Variants in GUCY2D observed in about 807,000 individuals in gnomAD.
GUCY2D encodes the protein retinal guanylyl cyclase 1.
A neutral mutation model predicts 101.3 loss-of-function variants in GUCY2D; 70 were observed. The observed-to-expected ratio is 0.69, with a 90% CI of 0.57 to 0.84. The LOEUF (loss-of-function observed/expected upper bound fraction) is 0.84, where lower values mean the gene tolerates loss of function less well. GUCY2D is among the 40% of genes least tolerant of loss of function. The probability of loss-of-function intolerance (pLI) is 0.00; values close to 1 mark genes in which losing one functional copy is unlikely to be tolerated. For missense variants in GUCY2D, 1,460 were observed against 1,542.5 expected, an observed-to-expected ratio of 0.95 and a Z score of 0.90; for synonymous variants, 688 against 670.7, an observed-to-expected ratio of 1.03 and a Z score of -0.40.
chr17:8,003,215 G>A lies in GUCY2D; in HGVS notation c.168G>A (p.Val56=), dbSNP rs1016696083. 1 of 1,522,176 alleles carries A rather than the reference G, an allele frequency of 6.6e-7. No homozygotes were observed. 94.3% of individuals were successfully genotyped at this position (1,522,176 alleles called of 1,614,324 possible). ...CCGCCCTCTCCGCCGTGTTCACGGT[G>A]GGGGTCCTGGGCCCCTGGGCTTGCG... ...QPPALSAVFT[V]GVLGPWACDP... is the part of the protein sequence containing the mutation. The change falls in exon 2 of 20, where the codon GTG becomes GTA. Residue 56 remains valine, a synonymous_variant. Coordinates refer to ENST00000254854, the MANE Select transcript of GUCY2D (RefSeq NM_000180.4).
chr17:8,010,673 TG>T (rs2151801850), intron 8 of GUCY2D, among the ~76,000 whole-genome samples: 1 of 151,808 alleles, frequency 6.6e-6, no homozygotes, highest in Non-Finnish European at 1.5e-5. Context: ...CCGGGTGTGG[TG>T]GCGGGCGCCT....
At chr17:8,007,182 T>C (rs1462960963) in intron 5 of GUCY2D, 38 bp downstream of exon 5, 8 of 1,470,678 alleles carry the variant, frequency 5.4e-6, no homozygotes, top group Non-Finnish European at 7.6e-6. Flanking sequence ...AGTGAGCTTG[T>C]GCCAGAAATG....
At position 8,003,701 on chromosome 17, in the gene GUCY2D, G is replaced by A. The variant is rs747809048; in HGVS notation, c.654G>A (p.Met218Ile). 6.3e-7 allele frequency: 1 copy of A among 1,598,122 alleles called. No individual in the cohort carries two copies. The highest frequency in any genetic ancestry group is 2.2e-5 in the East Asian group (1 of 44,846). The change falls in exon 2 of 20, where the codon ATG (methionine) becomes ATA (isoleucine). Residue 218 changes from methionine (M) to isoleucine (I), a missense_variant. Coordinates refer to ENST00000254854, the MANE Select transcript of GUCY2D (RefSeq NM_000180.4). ...TGCCTGTCGCCTCCGTGACTTCCAT[G>A]GAGCCCTTGGACCTGTCTGGAGCCC... ...RGLPVASVTS[M>I]EPLDLSGARE...
Position 8,015,812 on chromosome 17 carries a change from C to T in GUCY2D, c.3014C>T (p.Thr1005Ile), listed in dbSNP as rs150185423. 2.4e-5 allele frequency: 39 copies of T among 1,612,608 alleles called. No homozygotes were observed. The African/African-American group carries it at 4.9e-4, about 20-fold the overall frequency. ...RYCLFGDTVN[T>I]ASRMESTGLP... ...TGCCTGTTTGGGGACACGGTCAACA[C>T]CGCCTCGCGCATGGAGTCCACCGGG... is the stretch of plus-strand genomic sequence containing the variant. The change falls in exon 16 of 20, where the codon ACC (threonine) becomes ATC (isoleucine). Residue 1005 changes from threonine (T) to isoleucine (I), a missense_variant. Physicochemically the swap from Thr to Ile is moderately conservative, Grantham distance 89 (BLOSUM62 -1). Transcript: ENST00000254854.
At chr17:8,019,863 G>T (rs938009910) in intron 19 of GUCY2D, among the ~76,000 whole-genome samples, 1 of 152,186 alleles carries the variant, frequency 6.6e-6, no homozygotes, top group Non-Finnish European at 1.5e-5. Flanking sequence ...CAGCGCATGA[G>T]AGCACCGGGG....
intron 19 of GUCY2D, among the ~76,000 whole-genome samples, chr17:8,019,898 C>T (rs1042538353): frequency 3.3e-5 from 5 of 152,160 alleles, no homozygotes; most frequent in African/African-American, 1.2e-4. Context: ...TGGGCATCCC[C>T]CACCTTCAGA....
Position 8,006,648 on chromosome 17 carries a change from C to T in GUCY2D, c.1312C>T (p.Arg438Cys), listed in dbSNP as rs565948960. Reference protein sequence around the residue: ...LSAGTRMHFPRGGSAPGPDPS... With the variant: ...LSAGTRMHFPCGGSAPGPDPS... ...CGCCGGTACCCGGATGCACTTCCCG[C>T]GTGGGGGATCAGCACCCGGACCTGA... The change falls in exon 4 of 20, where the codon CGT (arginine) becomes TGT (cysteine). Residue 438 changes from arginine (R) to cysteine (C), a missense_variant. Arg to Cys is a radical substitution (Grantham distance 180). Around this residue, in one of 3 missense-constraint regions of GUCY2D, gnomAD observed 1,196 missense variants for 1,229.6 expected, o/e 0.97. Transcript: ENST00000254854. The T allele has an allele frequency of 2.5e-5, 40 of 1,612,778 alleles. No homozygotes were observed. In the East Asian group the frequency reaches 4.9e-4, roughly 20 times the overall value.
At chr17:8,016,110 C>T (rs1038332181) in intron 17 of GUCY2D, 89 bp downstream of exon 17, 18 of 1,348,816 alleles carry the variant, frequency 1.3e-5, no homozygotes, top group Non-Finnish European at 1.8e-5. Flanking sequence ...CTCAGCTCAC[C>T]CTTCTGACCT....
intron 14 of GUCY2D, 129 bp from the exon 15 acceptor site, chr17:8,015,199 A>C: frequency 9.3e-7 from 1 of 1,080,304 alleles, no homozygotes; most frequent in African/African-American, 1.6e-5. Flanking sequence ...TCCAGTCCCC[A>C]GCTCAGTCCT....
Position 8,002,946 on chromosome 17 carries a change from G to GAA in GUCY2D, c.-9-93_-9-92insAA. On this transcript the variant is annotated intron_variant, in intron 1 of 19. Coordinates refer to ENST00000254854, the MANE Select transcript of GUCY2D (RefSeq NM_000180.4). This position sits in a 1 kb window ranked among gnomAD's most constrained non-coding sequence, Gnocchi z 4.9. ...CGGTAGCAGCAGAATCATCCCATGGGTTACTCGGGCTTGGAGAAACTCGGG... is the reference window on the plus strand; with the variant it reads ...CGGTAGCAGCAGAATCATCCCATGGGAATTACTCGGGCTTGGAGAAACTCGGG... 1 of 965,390 alleles carries GAA rather than the reference G, an allele frequency of 1.0e-6. No individual in the cohort carries two copies. The allele number at this position is 965,390 out of a possible 1,614,324, so 59.8% of individuals were successfully genotyped here. A position where few individuals can be genotyped will look rare whatever the true frequency, so the allele number is the denominator to read the frequency against.
intron 19 of GUCY2D, among the ~76,000 whole-genome samples, chr17:8,017,582 G>C (rs1175333025): frequency 1.3e-5 from 2 of 152,244 alleles, no homozygotes; most frequent in African/African-American, 4.8e-5. Flanking sequence ...AATGCTTTGA[G>C]GAAAGGAAAT....
In GUCY2D at chr17:8,004,114, T is replaced by C. The variant is rs1169860339; in HGVS notation, c.984T>C (p.Ala328=). The C allele has an allele frequency of 1.3e-6, 2 of 1,598,782 alleles. No homozygotes were observed. The highest frequency in any genetic ancestry group is 1.7e-6 in the Non-Finnish European group (2 of 1,178,228). Reference sequence around the variant, plus strand: ...GCGTGCTGGACAGCCTGCGCAGGGCTCAAGAGCGCCGCGAGCTGCCCTCTG... The same window carrying C: ...GCGTGCTGGACAGCCTGCGCAGGGCCCAAGAGCGCCGCGAGCTGCCCTCTG... The part of the protein sequence containing the change: ...EGSVLDSLRR[A]QERRELPSDL... Residue 328 remains alanine (A), a synonymous_variant, in exon 3 of 20, where the codon GCT becomes GCC. Coordinates refer to ENST00000254854, the MANE Select transcript of GUCY2D (RefSeq NM_000180.4).
chr17:8,009,706 G>A, intron 8 of GUCY2D, 120 bp downstream of exon 8: 2 of 748,370 alleles, frequency 2.7e-6, no homozygotes, highest in Non-Finnish European at 4.8e-6. Context: ...TGAGTGTGGT[G>A]GCTCATACGT....
At chr17:8,009,988 GA>G (rs201897109) in intron 8 of GUCY2D, among the ~76,000 whole-genome samples, 1,882 of 143,270 alleles carry the variant, frequency 0.013, 32 homozygotes, top group African/African-American at 0.042. Context: ...AATTAAGAAA[GA>G]AAAAAAAAAA....
Position 8,006,552 on chromosome 17 carries a change from G to A in GUCY2D, c.1216G>A (p.Asp406Asn), listed in dbSNP as rs1466640514. 2 of 1,612,940 alleles carry A rather than the reference G, an allele frequency of 1.2e-6. No homozygotes were observed. Among genetic ancestry groups the A allele is most frequent in the East Asian group, 4.5e-5 (2 of 44,886 alleles). The change falls in exon 4 of 20, where the codon GAC becomes AAC. Residue 406 changes from aspartate to asparagine, a missense_variant. By Grantham distance (23) the Asp-to-Asn change is conservative (BLOSUM62 1). Transcript: ENST00000254854. ...CGAGGAGCCCCCATTCGTGCTGCTA[G>A]ACACGGACGCGGCGGGAGACCGGCT... is the stretch of plus-strand genomic sequence containing the variant. ...GDEEPPFVLL[D>N]TDAAGDRLFA...
In GUCY2D at chr17:8,013,331, T is replaced by A; in HGVS notation, c.2263+79T>A. The A allele has an allele frequency of 7.1e-7, 1 of 1,406,398 alleles. No individual in the cohort carries two copies. The highest frequency in any genetic ancestry group is 1.0e-6 in the Non-Finnish European group (1 of 1,004,086). 87.1% of individuals were successfully genotyped at this position (1,406,398 alleles called of 1,614,324 possible). ...AAAGAGCCAGCCTCACTCTTTCCTC[T>A]AAAGCAAAGCCCAGTGATGAAACTC... On this transcript the variant is annotated intron_variant, in intron 11 of 19. Coordinates refer to ENST00000254854, the MANE Select transcript of GUCY2D (RefSeq NM_000180.4). The surrounding 1 kb of genome is among the most constrained non-coding windows in gnomAD (Gnocchi z 5.0).
At chr17:8,012,403 A>G (rs1723108295) in intron 9 of GUCY2D, 47 bp from the exon 10 acceptor site, 1 of 1,612,628 alleles carries the variant, frequency 6.2e-7, no homozygotes, top group Non-Finnish European at 8.5e-7. Flanking sequence ...ATGGGGAGCA[A>G]GGGAACCAAG....
intron 10 of GUCY2D, 119 bp downstream of exon 10, chr17:8,012,725 A>AC: frequency 1.2e-6 from 1 of 833,456 alleles, no homozygotes; most frequent in Non-Finnish European, 2.0e-6. Flanking sequence ...CACCAGACAC[A>AC]ATTCCTGCTA....
Position 8,016,000 on chromosome 17 carries a change from G to T in GUCY2D, c.3117G>T (p.Leu1039=). The T allele has an allele frequency of 6.2e-7, 1 of 1,609,768 alleles. No individual in the cohort carries two copies. The highest frequency in any genetic ancestry group is 1.1e-5 in the South Asian group (1 of 90,134). ...TGGACTCGGGCTACCAGGTGGAGCT[G>T]CGAGGCCGCACGGAGCTGAAGGTGA... The part of the protein sequence containing the change: ...RALDSGYQVE[L]RGRTELKGKG... The change falls in exon 17 of 20, where the codon CTG becomes CTT. Residue 1039 remains leucine, a synonymous_variant. Transcript: ENST00000254854.
Sources: gnomAD v4.1 joint callset for allele counts (sites outside exome capture counted in the v4.1 genomes callset) on GRCh38, gnomAD v4.1.1 for gene constraint, gnomAD v4.1.1 regional missense constraint, Gnocchi (gnomAD v3.1) non-coding constraint, MANE v1.5 for transcripts, NCBI Gene and HGNC (gene_info 2026-07-23, HGNC 2026-07-21) for gene names.